The following TRAPPC9 variants were observed in gnomAD, a reference collection of about 807,000 sequenced individuals.
TRAPPC9 encodes the protein trafficking protein particle complex subunit 9, also known as IKK2 binding protein.
In TRAPPC9, 83 loss-of-function variants were observed where a neutral mutation model predicts 124.0. The observed-to-expected ratio is 0.67, with a 90% CI of 0.56 to 0.80. TRAPPC9 has a LOEUF of 0.80. Ranked by LOEUF, TRAPPC9 falls within the 30% of genes least tolerant of loss-of-function variation. The pLI is 0.00. For synonymous variants in TRAPPC9, 638 were observed against 617.5 expected (o/e 1.03, Z -0.49); for missense variants, 1,302 against 1,508.3 (o/e 0.86, Z 2.27).
chr8:139,963,124 T>G (rs1051427538), intron 19 of TRAPPC9, among the ~76,000 whole-genome samples: 2 of 152,234 alleles, frequency 1.3e-5, no homozygotes, highest in Non-Finnish European at 2.9e-5. Context: ...TGATATTTAA[T>G]GTGGCCTGCA....
intron 17 of TRAPPC9, among the ~76,000 whole-genome samples, chr8:140,148,725 T>G (rs530281858): frequency 6.6e-6 from 1 of 152,312 alleles, no homozygotes; most frequent in African/African-American, 2.4e-5. Flanking sequence ...TGCCAAGCAA[T>G]TCATTTAGAG....
intron 9 of TRAPPC9, among the ~76,000 whole-genome samples, chr8:140,322,002 G>C (rs1563943909): frequency 6.6e-6 from 1 of 152,114 alleles, no homozygotes; most frequent in African/African-American, 2.4e-5. Context: ...CAAAGGTTAG[G>C]GCCAAGCAGC....
At position 140,245,318 on chromosome 8, in the gene TRAPPC9, T is replaced by C. The variant is rs111995151; in HGVS notation, c.2431+7459A>G. The stretch of plus-strand genomic sequence containing the variant: ...GCCCACAGGGCCCACCACCCAGACT[T>C]TGTGCTAGTCACTGCCTTGCTTCTC... On this transcript the variant is annotated intron_variant, in intron 16 of 22. Transcript: ENST00000438773. Among the ~76,000 whole-genome samples the C allele has an allele frequency of 3.9e-3, 591 of 152,298 alleles. 5 individuals carry two copies. The highest frequency in any genetic ancestry group is 0.013 in the African/African-American group (551 of 41,556).
chr8:139,815,938 C>T (rs1824800842), intron 21 of TRAPPC9, among the ~76,000 whole-genome samples: 1 of 152,222 alleles, frequency 6.6e-6, no homozygotes, highest in African/African-American at 2.4e-5. Context: ...AGCCGAGGCC[C>T]AGCGAGGTTA....
chr8:139,854,189 C>G (rs1160808276), intron 21 of TRAPPC9, among the ~76,000 whole-genome samples: 3 of 152,184 alleles, frequency 2.0e-5, no homozygotes, highest in African/African-American at 7.2e-5. Context: ...GTTCAGAAAC[C>G]TCAGGAGGTC....
chr8:139,996,170 A>AAG (rs1241181341), intron 18 of TRAPPC9, among the ~76,000 whole-genome samples: 81 of 147,240 alleles, frequency 5.5e-4, no homozygotes, highest in Non-Finnish European at 6.3e-4. Flanking sequence ...AAAAAAAAAA[A>AAG]AAAAAAAAAA....
At chr8:139,759,757 C>A (rs1352083049) in intron 21 of TRAPPC9, among the ~76,000 whole-genome samples, 3 of 152,218 alleles carry the variant, frequency 2.0e-5, no homozygotes, top group African/African-American at 7.2e-5. Flanking sequence ...CCAGTGCTCC[C>A]AGGAGGGCTG....
chr8:139,731,322 T>C (rs1817808100), intron 22 of TRAPPC9, 94 bp from the exon 23 acceptor site: 2 of 1,496,566 alleles, frequency 1.3e-6, no homozygotes, highest in South Asian at 1.2e-5. Context: ...GACATAGGTG[T>C]TATGGGGGAA....
At chr8:140,052,615 C>G (rs190452573) in intron 17 of TRAPPC9, among the ~76,000 whole-genome samples, 295 of 152,182 alleles carry the variant, frequency 1.9e-3, no homozygotes, top group African/African-American at 6.8e-3. Context: ...AACCCTGTCT[C>G]TAGTAGAAAT....
At chr8:139,928,692 C>T (rs756169316) in intron 19 of TRAPPC9, among the ~76,000 whole-genome samples, 10 of 151,182 alleles carry the variant, frequency 6.6e-5, no homozygotes, top group Non-Finnish European at 8.8e-5. Flanking sequence ...GCATTCTCCA[C>T]GCCATCTCCA....
chr8:140,108,696 G>C (rs919007525), intron 17 of TRAPPC9, among the ~76,000 whole-genome samples: 4 of 152,228 alleles, frequency 2.6e-5, no homozygotes, highest in Admixed American at 2.6e-4. Context: ...TTTGTTCTCT[G>C]TTGTGTCCCA....
In TRAPPC9 at chr8:140,215,487, C is replaced by CA. The variant is rs1458996197; in HGVS notation, c.2556+5971dup. Among the ~76,000 whole-genome samples the CA allele has an allele frequency of 1.5e-4, 23 of 149,994 alleles. No homozygotes were observed. In the South Asian group the frequency reaches 2.1e-3, roughly 14 times the overall value. On this transcript the variant is annotated intron_variant, in intron 17 of 22. Transcript: ENST00000438773. ...GTGAAACCCCATCTCTACTAAAATA[C>CA]AAAAAAAAATGAGCTGGTCCTGGTG...
chr8:139,873,470 G>A lies in TRAPPC9; in HGVS notation c.3055+12409C>T, dbSNP rs146383265. 4.1e-3 allele frequency among the ~76,000 whole-genome samples: 624 copies of A among 152,194 alleles called. 4 individuals are homozygous for A. Among genetic ancestry groups the A allele is most frequent in the Middle Eastern group, 6.8e-3 (2 of 292 alleles). On this transcript the variant is annotated intron_variant, in intron 21 of 22. Coordinates refer to ENST00000438773, the MANE Select transcript of TRAPPC9 (RefSeq NM_001160372.4). ...CTCCATCAGGCTGTGAGTGAGTGCC[G>A]GGGGTAAGCCAACTGCTCCCTGCAC...
intron 19 of TRAPPC9, among the ~76,000 whole-genome samples, chr8:139,966,816 T>G (rs928739072): frequency 6.6e-6 from 1 of 152,216 alleles, no homozygotes; most frequent in South Asian, 2.1e-4. Flanking sequence ...AGGTTTCAGA[T>G]GGTCATTTCG....
At chr8:140,435,574 G>A (rs1016460515) in intron 3 of TRAPPC9, among the ~76,000 whole-genome samples, 11 of 152,204 alleles carry the variant, frequency 7.2e-5, no homozygotes, top group East Asian at 1.9e-4. Context: ...TCACGTGGCC[G>A]GCATTCCTGC....
intron 16 of TRAPPC9, among the ~76,000 whole-genome samples, chr8:140,223,789 G>A (rs2063389597): frequency 6.6e-6 from 1 of 151,562 alleles, no homozygotes; most frequent in African/African-American, 2.4e-5. Context: ...ATTTGCTAAG[G>A]TATGTCCCCT....
chr8:140,035,659 C>T (rs1477493987), intron 17 of TRAPPC9, among the ~76,000 whole-genome samples: 5 of 152,144 alleles, frequency 3.3e-5, no homozygotes, highest in East Asian at 1.9e-4. Context: ...CTCCAGTTCC[C>T]GTAGCTAGTA....
chr8:139,900,034 G>A (rs766112029), intron 20 of TRAPPC9, among the ~76,000 whole-genome samples: 7 of 152,182 alleles, frequency 4.6e-5, no homozygotes, highest in African/African-American at 7.2e-5. Flanking sequence ...GACCAGAGCC[G>A]TCTGTCCTCC....
In TRAPPC9 at chr8:140,451,101, G is replaced by T; in HGVS notation, c.273C>A (p.Asp91Glu). The T allele has an allele frequency of 6.2e-7, 1 of 1,614,076 alleles. No individual in the cohort carries two copies. Among genetic ancestry groups the T allele is most frequent in the Non-Finnish European group, 8.5e-7 (1 of 1,180,008 alleles). Residue 91 changes from aspartate (D) to glutamate (E), a missense_variant, in exon 2 of 23, where the codon GAC (aspartate) becomes GAA (glutamate). Asp to Glu is a conservative substitution (Grantham distance 45). Transcript: ENST00000438773. ...GGAACTTCTCAAAGGTCTGTGGCCA[G>T]TCCTTGGCCGAGAAGCAGTCTGTGA... ...ITITDCFSAK[D>E]WPQTFEKFHV...
Sources: allele counts gnomAD v4.1 joint callset (sites outside exome capture counted in the v4.1 genomes callset), GRCh38; gene constraint gnomAD v4.1.1; transcripts MANE v1.5; gene names NCBI Gene and HGNC (gene_info 2026-07-23, HGNC 2026-07-21).